Variants in RBFOX1 observed in about 807,000 individuals in gnomAD.
The protein encoded by RBFOX1 is RNA binding protein fox-1 homolog 1.
In RBFOX1, 8 loss-of-function variants were observed where a neutral mutation model predicts 57.7. The ratio of observed to expected loss-of-function variants is 0.14; its 90% CI spans 0.08 to 0.25. The LOEUF is 0.25. Ranked by LOEUF, RBFOX1 falls within the 10% of genes least tolerant of loss-of-function variation. The probability of loss-of-function intolerance (pLI) is 1.00; values close to 1 mark genes in which losing one functional copy is unlikely to be tolerated. For synonymous variants in RBFOX1, 326 were observed against 222.4 expected, an observed-to-expected ratio of 1.47 and a Z score of -4.15; for missense variants, 611 against 548.5, an observed-to-expected ratio of 1.11 and a Z score of -1.14.
chr16:5,568,832 A>G (rs1157393181), intron 2 of RBFOX1, among the ~76,000 whole-genome samples: 1 of 151,988 alleles, frequency 6.6e-6, no homozygotes, highest in Non-Finnish European at 1.5e-5. Flanking sequence ...GGAAATCATG[A>G]CATCGGTTCT....
intron 2 of RBFOX1, among the ~76,000 whole-genome samples, chr16:5,590,671 T>C (rs2046978321): frequency 6.6e-6 from 1 of 151,818 alleles, no homozygotes; most frequent in African/African-American, 2.4e-5. Flanking sequence ...AGGCCATGCT[T>C]CCAGCTTTCT....
At chr16:7,654,657 C>A (rs1395989815) in intron 12 of RBFOX1, among the ~76,000 whole-genome samples, 1 of 151,966 alleles carries the variant, frequency 6.6e-6, no homozygotes, top group Non-Finnish European at 1.5e-5. Flanking sequence ...AAAAATGATA[C>A]TGGTGTGTTT....
At chr16:7,409,553 C>A (rs972526413) in intron 4 of RBFOX1, among the ~76,000 whole-genome samples, 1 of 152,174 alleles carries the variant, frequency 6.6e-6, no homozygotes, top group Non-Finnish European at 1.5e-5. Context: ...CTATCCTAAG[C>A]AGTGTATGTC....
intron 4 of RBFOX1, among the ~76,000 whole-genome samples, chr16:5,953,896 G>A (rs987820334): frequency 4.6e-5 from 7 of 152,078 alleles, no homozygotes; most frequent in African/African-American, 1.4e-4. Context: ...AAAATGAGTT[G>A]TTGTTTATCT....
intron 3 of RBFOX1, among the ~76,000 whole-genome samples, chr16:6,873,232 A>G (rs974832476): frequency 6.6e-6 from 1 of 152,092 alleles, no homozygotes; most frequent in Non-Finnish European, 1.5e-5. Context: ...TTATGTAAAT[A>G]AACGTATGAA....
intron 1 of RBFOX1, among the ~76,000 whole-genome samples, chr16:6,284,809 G>GTCT: frequency 6.6e-6 from 1 of 152,204 alleles, no homozygotes; most frequent in Admixed American, 6.5e-5. Context: ...TGTCTTAGAG[G>GTCT]TATTGTGACT....
intron 2 of RBFOX1, among the ~76,000 whole-genome samples, chr16:6,361,627 C>CT (rs1311262285): frequency 7.1e-6 from 1 of 139,880 alleles, no homozygotes; most frequent in East Asian, 2.1e-4. Context: ...GACTCTGTCT[C>CT]TAAAAAAAAA....
intron 3 of RBFOX1, among the ~76,000 whole-genome samples, chr16:6,916,350 C>T (rs1008169812): frequency 6.6e-6 from 1 of 152,094 alleles, no homozygotes; most frequent in Non-Finnish European, 1.5e-5. Flanking sequence ...GCTATTATGG[C>T]TAATGCTGCT....
intron 6 of RBFOX1, among the ~76,000 whole-genome samples, chr16:7,585,996 C>T (rs117652512): frequency 0.015 from 2,334 of 151,994 alleles, 29 homozygotes; most frequent in Non-Finnish European, 0.024. Flanking sequence ...AGATGGAATA[C>T]AAAACCTCTG....
At chr16:6,980,515 A>G (rs1568202430) in intron 3 of RBFOX1, among the ~76,000 whole-genome samples, 1 of 152,206 alleles carries the variant, frequency 6.6e-6, no homozygotes, top group Admixed American at 6.5e-5. Flanking sequence ...CTGGTTATCC[A>G]TGAACAGAAA....
intron 4 of RBFOX1, among the ~76,000 whole-genome samples, chr16:7,233,979 G>A (rs1283496351): frequency 6.6e-6 from 1 of 152,144 alleles, no homozygotes; most frequent in Non-Finnish European, 1.5e-5. Context: ...AAGTGAATGA[G>A]CTTAATTCTA....
intron 4 of RBFOX1, among the ~76,000 whole-genome samples, chr16:7,081,368 A>G (rs911250216): frequency 1.3e-5 from 2 of 152,158 alleles, no homozygotes; most frequent in African/African-American, 4.8e-5. Flanking sequence ...GAACATGGTA[A>G]TAGTGTTCAT....
intron 2 of RBFOX1, among the ~76,000 whole-genome samples, chr16:6,644,488 C>T (rs1602506546): frequency 6.6e-6 from 1 of 152,192 alleles, no homozygotes; most frequent in Non-Finnish European, 1.5e-5. Context: ...TTGGGCTTGT[C>T]AGATGAACCT....
intron 4 of RBFOX1, among the ~76,000 whole-genome samples, chr16:7,133,295 A>C (rs969898047): frequency 5.9e-5 from 9 of 152,192 alleles, no homozygotes; most frequent in Non-Finnish European, 1.0e-4. Flanking sequence ...CATGGAGAGT[A>C]CACTTGAAAA....
chr16:6,915,686 G>T (rs1046846565), intron 3 of RBFOX1, among the ~76,000 whole-genome samples: 4 of 151,628 alleles, frequency 2.6e-5, no homozygotes, highest in African/African-American at 9.7e-5. Context: ...GAGTAGCTGT[G>T]AGTACAGGTG....
At chr16:6,707,646 A>G (rs2062999311) in intron 3 of RBFOX1, among the ~76,000 whole-genome samples, 1 of 152,114 alleles carries the variant, frequency 6.6e-6, no homozygotes, top group South Asian at 2.1e-4. Context: ...TGCCGTCTCC[A>G]GAAAGGAAGG....
At chr16:7,605,090 G>GT (rs1187573099) in intron 9 of RBFOX1, among the ~76,000 whole-genome samples, 3 of 152,070 alleles carry the variant, frequency 2.0e-5, no homozygotes, top group African/African-American at 7.2e-5. Context: ...TTTTCAACTA[G>GT]TTTTTTGTAC....
intron 2 of RBFOX1, among the ~76,000 whole-genome samples, chr16:6,407,403 CTT>C (rs1451943767): frequency 6.6e-6 from 1 of 151,628 alleles, no homozygotes; most frequent in East Asian, 1.9e-4. Context: ...ATATATTTGT[CTT>C]TGTGTGTATC....
At chr16:5,259,341 T>C (rs980215240) in intron 1 of RBFOX1, among the ~76,000 whole-genome samples, 3 of 152,162 alleles carry the variant, frequency 2.0e-5, no homozygotes, top group Admixed American at 6.5e-5. Context: ...GACCTATGTT[T>C]GCAAAAGCTC....
Sources: gnomAD v4.1 joint callset for allele counts (sites outside exome capture counted in the v4.1 genomes callset) on GRCh38, gnomAD v4.1.1 for gene constraint, MANE v1.5 for transcripts, NCBI Gene and HGNC (gene_info 2026-07-23, HGNC 2026-07-21) for gene names.